Variants in EPRS1 observed in about 807,000 individuals in gnomAD.
The protein encoded by EPRS1 is glutamyl-prolyl-tRNA synthetase 1, also known as bifunctional glutamate/proline--tRNA ligase.
Under a neutral mutation model 188.3 loss-of-function variants are expected in EPRS1, and 107 were observed. The ratio of observed to expected loss-of-function variants is 0.57; its 90% CI spans 0.49 to 0.67. EPRS1 has a LOEUF of 0.67. Ranked by LOEUF, EPRS1 falls within the 30% of genes least tolerant of loss-of-function variation. The pLI is 0.00. For missense variants in EPRS1, 1,577 were observed against 1,802.2 expected (o/e 0.88, Z 2.26); for synonymous variants, 596 against 593.1 (o/e 1.00, Z -0.07).
intron 9 of EPRS1, among the ~76,000 whole-genome samples, chr1:220,021,839 T>TA (rs1432879175): frequency 7.0e-6 from 1 of 143,602 alleles, no homozygotes; most frequent in African/African-American, 2.6e-5. Context: ...AAATATTTTT[T>TA]ATGATTTATT....
At chr1:220,042,334 T>A (rs980396204) in intron 1 of EPRS1, among the ~76,000 whole-genome samples, 1 of 150,212 alleles carries the variant, frequency 6.7e-6, no homozygotes, top group Admixed American at 6.6e-5. Flanking sequence ...ATACAAAAAA[T>A]TAGCCAGGCG....
At chr1:219,999,938 T>C (rs1038156272) in intron 17 of EPRS1, among the ~76,000 whole-genome samples, 1 of 152,196 alleles carries the variant, frequency 6.6e-6, no homozygotes, top group Non-Finnish European at 1.5e-5. Context: ...ATCATACCAC[T>C]GCACTCCAGC....
intron 25 of EPRS1, 44 bp downstream of exon 25, chr1:219,980,712 A>C (rs1026043598): frequency 2.1e-6 from 3 of 1,410,036 alleles, no homozygotes; most frequent in Non-Finnish European, 3.0e-6. Context: ...GAACCTGAAC[A>C]AAAATAATGG....
chr1:219,985,674 G>A (rs1447558691), intron 20 of EPRS1, among the ~76,000 whole-genome samples: 1 of 152,114 alleles, frequency 6.6e-6, no homozygotes, highest in African/African-American at 2.4e-5. Context: ...CAAAGTGCTG[G>A]CATTACAGGT....
rs1061248 is a variant in EPRS1 at position 219,968,681 on chromosome 1, C to T, written c.*125G>A. On this transcript the variant is annotated 3_prime_UTR_variant, in exon 32 of 32. Transcript: ENST00000366923. The stretch of plus-strand genomic sequence containing the variant: ...TAACTTAGGCATAAGAATAATTGTC[C>T]TGTGTGACTTCATTTTAGAACTTTT... The T allele has an allele frequency of 0.47, 415,990 of 879,570 alleles. 99,194 individuals are homozygous for T. The highest frequency in any genetic ancestry group is 0.52 in the South Asian group (28,652 of 54,820). 54.5% of individuals were successfully genotyped at this position (879,570 alleles called of 1,614,324 possible). A position where few individuals can be genotyped will look rare whatever the true frequency, so the allele number is the denominator to read the frequency against.
intron 13 of EPRS1, 124 bp downstream of exon 13, chr1:220,010,822 A>AT: frequency 2.2e-6 from 1 of 460,958 alleles, no homozygotes; most frequent in East Asian, 4.3e-5. Flanking sequence ...AAAAAAAAAA[A>AT]AAAGAAAGAA....
At chr1:220,006,762 C>G (rs1036916562) in intron 14 of EPRS1, among the ~76,000 whole-genome samples, 1 of 152,146 alleles carries the variant, frequency 6.6e-6, no homozygotes, top group Non-Finnish European at 1.5e-5. Context: ...TTTATAGAAT[C>G]TGAAGATCAT....
rs1300834363 is a variant in EPRS1 at position 220,020,203 on chromosome 1, A to T, written c.1134T>A (p.Asp378Glu). The change falls in exon 10 of 32, where the codon GAT (aspartate) becomes GAA (glutamate). Residue 378 changes from aspartate to glutamate, a missense_variant. Coordinates refer to ENST00000366923, the MANE Select transcript of EPRS1 (RefSeq NM_004446.3). ...TGCTGTCAACTATGGGGCAGGCAAAATCATATGTTGGATAAACACTAGAAA... is the reference window on the plus strand; with the variant it reads ...TGCTGTCAACTATGGGGCAGGCAAATTCATATGTTGGATAAACACTAGAAA... The part of the protein sequence containing the change: ...GNKYNVYPTY[D>E]FACPIVDSIE... The T allele has an allele frequency of 6.2e-7, 1 of 1,611,790 alleles. No individual in the cohort carries two copies.
At chr1:220,032,235 C>A in intron 5 of EPRS1, 152 bp downstream of exon 5, 1 of 543,302 alleles carries the variant, frequency 1.8e-6, no homozygotes, top group South Asian at 2.7e-5. Flanking sequence ...CCATCACGCC[C>A]GGCTAATTTT....
intron 30 of EPRS1, 32 bp downstream of exon 30, chr1:219,972,037 C>A (rs1205730517): frequency 1.5e-6 from 2 of 1,351,280 alleles, no homozygotes; most frequent in East Asian, 2.4e-5. Context: ...CTTAAATATT[C>A]TTATACTGAA....
chr1:219,981,661 G>C (rs1660902812), intron 23 of EPRS1, among the ~76,000 whole-genome samples: 1 of 152,134 alleles, frequency 6.6e-6, no homozygotes, highest in Non-Finnish European at 1.5e-5. Context: ...TATTACTCAA[G>C]GATACAAATC....
chr1:220,004,283 C>T (rs549933371), intron 16 of EPRS1, among the ~76,000 whole-genome samples: 20 of 152,236 alleles, frequency 1.3e-4, no homozygotes, highest in South Asian at 2.1e-4. Context: ...ATCCTCTTGC[C>T]TCAGCCTTGC....
At chr1:220,014,334 A>AG (rs1661660520) in intron 12 of EPRS1, among the ~76,000 whole-genome samples, 2 of 151,428 alleles carry the variant, frequency 1.3e-5, no homozygotes, top group Admixed American at 1.3e-4. Context: ...TCTCAAAAAA[A>AG]AACAAAAAAG....
At chr1:220,026,973 C>G (rs1308487234) in intron 6 of EPRS1, among the ~76,000 whole-genome samples, 2 of 152,056 alleles carry the variant, frequency 1.3e-5, no homozygotes, top group African/African-American at 4.8e-5. Flanking sequence ...AAGTCATTAG[C>G]ATCCCAGATC....
chr1:220,004,048 G>T (rs1661411643), intron 16 of EPRS1, among the ~76,000 whole-genome samples: 1 of 152,168 alleles, frequency 6.6e-6, no homozygotes, highest in African/African-American at 2.4e-5. Flanking sequence ...GTTTGTTTTT[G>T]AGAGAGTCTT....
At chr1:219,980,884 T>C (rs757886470) in intron 24 of EPRS1, 27 bp from the exon 25 acceptor site, 43 of 1,524,852 alleles carry the variant, frequency 2.8e-5, no homozygotes, top group Middle Eastern at 1.7e-4. Flanking sequence ...AACAATTTAG[T>C]CATTATAAAG....
intron 18 of EPRS1, among the ~76,000 whole-genome samples, chr1:219,992,114 T>C (rs1046864185): frequency 6.6e-6 from 1 of 152,054 alleles, no homozygotes; most frequent in South Asian, 2.1e-4. Context: ...GGGGTGAGAG[T>C]GCAGGGTGGC....
intron 13 of EPRS1, among the ~76,000 whole-genome samples, chr1:220,010,485 T>C (rs1340976008): frequency 6.6e-6 from 1 of 152,170 alleles, no homozygotes; most frequent in Non-Finnish European, 1.5e-5. Flanking sequence ...AAGATTTACT[T>C]CGATTAGTAT....
chr1:220,034,739 G>T (rs1026503724), intron 3 of EPRS1, among the ~76,000 whole-genome samples, 175 bp downstream of exon 3: 2 of 152,056 alleles, frequency 1.3e-5, no homozygotes, highest in Non-Finnish European at 2.9e-5. Context: ...TACAAAAAAA[G>T]AATTTTTTTG....
Sources: gnomAD v4.1 joint callset for allele counts (sites outside exome capture counted in the v4.1 genomes callset) on GRCh38, gnomAD v4.1.1 for gene constraint, MANE v1.5 for transcripts, NCBI Gene and HGNC (gene_info 2026-07-23, HGNC 2026-07-21) for gene names.